Variants in OGDH observed in about 807,000 individuals in gnomAD.
OGDH encodes the protein oxoglutarate dehydrogenase.
OGDH carries 38 observed loss-of-function variants against 116.6 expected under a neutral mutation model. The observed-to-expected ratio is 0.33, with a 90% CI of 0.25 to 0.43. The LOEUF is 0.43. OGDH is among the 20% of genes least tolerant of loss of function. The pLI, the probability that OGDH is intolerant of heterozygous loss-of-function variation, is 1.00. For missense variants in OGDH, 825 were observed against 1,357.2 expected, an observed-to-expected ratio of 0.61 and a Z score of 6.16; for synonymous variants, 488 against 533.3, an observed-to-expected ratio of 0.92 and a Z score of 1.17.
In OGDH at chr7:44,659,186, C is replaced by T. The variant is rs763526037; in HGVS notation, c.518-7550C>T. On this transcript the variant is annotated intron_variant, in intron 4 of 22. Transcript: ENST00000222673. Reference sequence around the variant, plus strand: ...GATTTAATGCTAATGTCGTGGTAGACGATTTAATGCTAATGTCGTGGATTG... The same window carrying T: ...GATTTAATGCTAATGTCGTGGTAGATGATTTAATGCTAATGTCGTGGATTG... Among the ~76,000 whole-genome samples the T allele has an allele frequency of 5.3e-5, 8 of 151,966 alleles. No homozygotes were observed. In the South Asian group the frequency reaches 6.2e-4, roughly 12 times the overall value.
At chr7:44,703,872 C>T (rs1238336327) in intron 20 of OGDH, among the ~76,000 whole-genome samples, 2 of 150,568 alleles carry the variant, frequency 1.3e-5, no homozygotes, top group East Asian at 1.9e-4. Flanking sequence ...ACAACAAGAG[C>T]GAAACTCCGT....
Position 44,629,575 on chromosome 7 carries a change from C to CTTTTTTTTTTTTTTTTTTTTT in OGDH, c.222+5014_222+5015insTTTTTTTTTTTTTTTTTTTTT, listed in dbSNP as rs1037295168. Among the ~76,000 whole-genome samples the CTTTTTTTTTTTTTTTTTTTTT allele has an allele frequency of 1.5e-5, 2 of 134,434 alleles. 1 individual carries two copies. The allele number at this position is 134,434 out of a possible 152,430, so 88.2% of individuals were successfully genotyped here. A position where few individuals can be genotyped will look rare whatever the true frequency, so the allele number is the denominator to read the frequency against. On this transcript the variant is annotated intron_variant, in intron 2 of 22. Transcript: ENST00000222673. ...TTTCTTTTCTTTCCTTTTTCTTTTT[C>CTTTTTTTTTTTTTTTTTTTTT]TTTTCTTTTTTTTTTTTTTTTTTGA...
chr7:44,689,421 T>C (rs571514780), intron 10 of OGDH, among the ~76,000 whole-genome samples: 1 of 126,014 alleles, frequency 7.9e-6, no homozygotes, highest in African/African-American at 3.1e-5. Context: ...TTTTTTTTGG[T>C]AGCAACAGGG....
At chr7:44,688,672 C>T (rs890209901) in intron 10 of OGDH, among the ~76,000 whole-genome samples, 9 of 151,392 alleles carry the variant, frequency 5.9e-5, no homozygotes, top group Admixed American at 2.0e-4. Context: ...CCTCATGATC[C>T]GCCAGCCTCG....
At chr7:44,637,460 A>C (rs1356114077) in intron 2 of OGDH, among the ~76,000 whole-genome samples, 1 of 152,232 alleles carries the variant, frequency 6.6e-6, no homozygotes, top group Non-Finnish European at 1.5e-5. Flanking sequence ...AGTATGCCAC[A>C]TATAGTTAAT....
chr7:44,698,488 T>C (rs1248192130), intron 18 of OGDH, among the ~76,000 whole-genome samples: 2 of 152,100 alleles, frequency 1.3e-5, no homozygotes, highest in Non-Finnish European at 2.9e-5. Context: ...ACTGCCTCCA[T>C]TGGCTTCCTG....
chr7:44,617,525 A>G (rs1212226322), intron 1 of OGDH, among the ~76,000 whole-genome samples: 1 of 152,226 alleles, frequency 6.6e-6, no homozygotes, highest in Non-Finnish European at 1.5e-5. Context: ...CTCAGCTTAT[A>G]TGTAATGAGG....
intron 10 of OGDH, among the ~76,000 whole-genome samples, chr7:44,684,284 G>C (rs1193223112): frequency 6.6e-6 from 1 of 152,164 alleles, no homozygotes; most frequent in Non-Finnish European, 1.5e-5. Context: ...ATACTGGTTG[G>C]TTATAAAGAT....
chr7:44,636,010 A>G (rs556226676), intron 2 of OGDH, among the ~76,000 whole-genome samples: 90 of 152,340 alleles, frequency 5.9e-4, no homozygotes, highest in Non-Finnish European at 8.8e-4. Context: ...GCCGGACTTT[A>G]TAAATTTTAA....
chr7:44,648,635 T>C (rs1379223660), intron 4 of OGDH, among the ~76,000 whole-genome samples: 1 of 150,002 alleles, frequency 6.7e-6, no homozygotes, highest in African/African-American at 2.5e-5. Context: ...ACAGGCACTT[T>C]TGGGGAATGG....
rs917200346 is a variant in OGDH, at chr7:44,708,485, G to C, written c.*486G>C. 3 of 154,280 alleles carry C rather than the reference G, an allele frequency of 1.9e-5. No individual in the cohort carries two copies. Among genetic ancestry groups the C allele is most frequent in the African/African-American group, 7.2e-5 (3 of 41,484 alleles). The allele number at this position is 154,280 out of a possible 1,614,324, so 9.6% of individuals were successfully genotyped here. On this transcript the variant is annotated 3_prime_UTR_variant, in exon 23 of 23. Coordinates refer to ENST00000222673, the MANE Select transcript of OGDH (RefSeq NM_002541.4). ...TAGCCATGGCTGGCAGAGGTTTCTA[G>C]GGTGGGCCCCAGCCGTGGCGTGAAC... is the stretch of plus-strand genomic sequence containing the variant.
At chr7:44,682,744 T>C (rs560320300) in intron 10 of OGDH, among the ~76,000 whole-genome samples, 1 of 152,032 alleles carries the variant, frequency 6.6e-6, no homozygotes, top group South Asian at 2.1e-4. Flanking sequence ...TCCTAGCTAC[T>C]TGGGGGTTTG....
intron 2 of OGDH, among the ~76,000 whole-genome samples, chr7:44,628,878 G>A (rs1351513665): frequency 2.0e-5 from 3 of 152,030 alleles, no homozygotes; most frequent in Non-Finnish European, 2.9e-5. Context: ...AACAGAATCC[G>A]GTTAACTAGC....
At chr7:44,609,769 CTG>C (rs1315845480) in intron 1 of OGDH, among the ~76,000 whole-genome samples, 2 of 152,226 alleles carry the variant, frequency 1.3e-5, no homozygotes, top group Non-Finnish European at 2.9e-5. Flanking sequence ...AATAGCCAAA[CTG>C]TTTTCCAGAG....
chr7:44,696,263 C>G (rs1484306662), intron 13 of OGDH, 136 bp downstream of exon 13: 3 of 1,026,152 alleles, frequency 2.9e-6, no homozygotes, highest in East Asian at 5.0e-5. Context: ...CAGCAAAGCC[C>G]CCTGCAGACC....
intron 10 of OGDH, among the ~76,000 whole-genome samples, chr7:44,684,134 G>T (rs552138370): frequency 6.6e-6 from 1 of 152,148 alleles, no homozygotes; most frequent in African/African-American, 2.4e-5. Flanking sequence ...CAGGAGAGAG[G>T]TCCTAGTGTC....
chr7:44,669,874 G>A (rs939827449), intron 5 of OGDH, among the ~76,000 whole-genome samples: 1 of 152,176 alleles, frequency 6.6e-6, no homozygotes, highest in African/African-American at 2.4e-5. Context: ...TGATGGTGAT[G>A]CTTTACTTAC....
chr7:44,683,692 A>G (rs1046788527), intron 10 of OGDH, among the ~76,000 whole-genome samples: 1 of 152,234 alleles, frequency 6.6e-6, no homozygotes, highest in African/African-American at 2.4e-5. Flanking sequence ...ATTTTAATAG[A>G]AATATCTTAT....
At chr7:44,686,856 T>C (rs915577994) in intron 10 of OGDH, among the ~76,000 whole-genome samples, 1 of 151,106 alleles carries the variant, frequency 6.6e-6, no homozygotes, top group African/African-American at 2.4e-5. Flanking sequence ...CCCAGCTAAT[T>C]TTTGTATTTT....
Sources: gnomAD v4.1 joint callset for allele counts (sites outside exome capture counted in the v4.1 genomes callset) on GRCh38, gnomAD v4.1.1 for gene constraint, MANE v1.5 for transcripts, NCBI Gene and HGNC (gene_info 2026-07-23, HGNC 2026-07-21) for gene names.